Variants in MBOAT1 observed in about 807,000 individuals in gnomAD.
MBOAT1 encodes the protein membrane bound glycerophospholipid O-acyltransferase 1.
Under a neutral mutation model 64.4 loss-of-function variants are expected in MBOAT1, and 67 were observed. The observed-to-expected ratio is 1.04, with a 90% CI of 0.85 to 1.27. The LOEUF (loss-of-function observed/expected upper bound fraction) is 1.27. Among genes scored for constraint, MBOAT1 ranks in the 50% most tolerant of loss-of-function variants. The probability of loss-of-function intolerance (pLI) is 0.00; values close to 1 mark genes in which losing one functional copy is unlikely to be tolerated. For synonymous variants in MBOAT1, 229 were observed against 218.9 expected (o/e 1.05, Z -0.41); for missense variants, 563 against 604.6 (o/e 0.93, Z 0.72).
chr6:20,110,298 A>T (rs1760100954), intron 11 of MBOAT1, among the ~76,000 whole-genome samples: 1 of 149,856 alleles, frequency 6.7e-6, no homozygotes, highest in Non-Finnish European at 1.5e-5. Flanking sequence ...CTGCAGCTTC[A>T]AACTCCTGGG....
At chr6:20,172,934 G>T (rs1762242212) in intron 1 of MBOAT1, among the ~76,000 whole-genome samples, 1 of 151,832 alleles carries the variant, frequency 6.6e-6, no homozygotes, top group Non-Finnish European at 1.5e-5. Context: ...CTGGAATATG[G>T]CCGTGGATTT....
Position 20,124,576 on chromosome 6 carries a change from T to C in MBOAT1, c.739A>G (p.Ile247Val). 1 of 1,614,170 alleles carries C rather than the reference T, an allele frequency of 6.2e-7. No individual in the cohort carries two copies. The highest frequency in any genetic ancestry group is 8.5e-7 in the Non-Finnish European group (1 of 1,180,014). The change falls in exon 8 of 13, where the codon ATC (isoleucine) becomes GTC (valine). Residue 247 changes from isoleucine (I) to valine (V), a missense_variant. Ile to Val is a conservative substitution (Grantham distance 29). Transcript: ENST00000324607. Reference protein sequence around the residue: ...PTGAVIHKLGITLVSLLLFLT... With the variant: ...PTGAVIHKLGVTLVSLLLFLT... ...AACAAAAGGAGAGACACCAAGGTGA[T>C]GCCCAACTTGTGTATCACAGCTCCC...
intron 11 of MBOAT1, among the ~76,000 whole-genome samples, chr6:20,110,530 AAAT>A (rs200242152): frequency 2.2e-4 from 33 of 151,070 alleles, no homozygotes; most frequent in African/African-American, 5.6e-4. Context: ...TTTCTTATTA[AAAT>A]AATAATAATA....
intron 1 of MBOAT1, among the ~76,000 whole-genome samples, chr6:20,179,582 T>C (rs922502180): frequency 2.0e-5 from 3 of 152,240 alleles, no homozygotes; most frequent in Admixed American, 1.3e-4. Context: ...GCATTTAGGT[T>C]GATTCCATGT....
At chr6:20,187,807 C>G (rs958038899) in intron 1 of MBOAT1, among the ~76,000 whole-genome samples, 4 of 152,192 alleles carry the variant, frequency 2.6e-5, no homozygotes, top group African/African-American at 9.7e-5. Flanking sequence ...GCCTGGGCAA[C>G]AGGGTGAAAC....
intron 1 of MBOAT1, among the ~76,000 whole-genome samples, chr6:20,159,455 A>G (rs1761785312): frequency 6.6e-6 from 1 of 152,220 alleles, no homozygotes; most frequent in African/African-American, 2.4e-5. Context: ...GCCTTTAAAA[A>G]GCAGGAAGTT....
chr6:20,125,339 G>A (rs1362158589), intron 7 of MBOAT1, among the ~76,000 whole-genome samples: 1 of 152,230 alleles, frequency 6.6e-6, no homozygotes, highest in Non-Finnish European at 1.5e-5. Flanking sequence ...AAGTGAATGA[G>A]TATTTGCAAG....
At chr6:20,103,584 C>T (rs1210142086) in intron 12 of MBOAT1, among the ~76,000 whole-genome samples, 3 of 152,012 alleles carry the variant, frequency 2.0e-5, no homozygotes, top group African/African-American at 2.4e-5. Context: ...TGCGCCACCA[C>T]GCTCGGCCAA....
intron 1 of MBOAT1, among the ~76,000 whole-genome samples, chr6:20,163,421 T>C (rs1761921674): frequency 6.6e-6 from 1 of 152,220 alleles, no homozygotes; most frequent in African/African-American, 2.4e-5. Flanking sequence ...GCTGACTACC[T>C]CCCAGGAACT....
chr6:20,204,235 G>T (rs917051599), intron 1 of MBOAT1, among the ~76,000 whole-genome samples: 1 of 151,996 alleles, frequency 6.6e-6, no homozygotes, highest in Non-Finnish European at 1.5e-5. Flanking sequence ...CTCAGGAGAG[G>T]CCCAGAGATG....
At chr6:20,125,928 T>C in intron 7 of MBOAT1, 1 of 424,138 alleles carries the variant, frequency 2.4e-6, no homozygotes, top group Non-Finnish European at 4.6e-6. Flanking sequence ...ATATTTGACC[T>C]GAATAAATTG....
intron 4 of MBOAT1, among the ~76,000 whole-genome samples, chr6:20,143,807 G>C (rs1439953132): frequency 6.6e-6 from 1 of 152,188 alleles, no homozygotes; most frequent in African/African-American, 2.4e-5. Context: ...AAGAACCTCA[G>C]AACAGGGGTT....
intron 11 of MBOAT1, 47 bp downstream of exon 11, chr6:20,112,829 G>A: frequency 1.3e-6 from 2 of 1,582,860 alleles, no homozygotes; most frequent in African/African-American, 2.7e-5. Context: ...AAACATGCAG[G>A]CATCAGATTA....
chr6:20,152,345 ATAAATAAAT>A (rs1250023331), intron 2 of MBOAT1, among the ~76,000 whole-genome samples: 1 of 31,620 alleles, frequency 3.2e-5, no homozygotes, highest in East Asian at 3.7e-3. Flanking sequence ...AAAATAAAAA[ATAAATAAAT>A]AAATAAATAA....
intron 1 of MBOAT1, among the ~76,000 whole-genome samples, chr6:20,190,682 C>T (rs531931012): frequency 6.6e-6 from 1 of 151,690 alleles, no homozygotes; most frequent in Admixed American, 6.6e-5. Flanking sequence ...CTTTAAGTGC[C>T]CACTGAGAAA....
chr6:20,119,833 G>A (rs1034555866), intron 8 of MBOAT1, among the ~76,000 whole-genome samples: 16 of 152,174 alleles, frequency 1.1e-4, no homozygotes, highest in African/African-American at 3.9e-4. Context: ...GACACTAAGG[G>A]CCTTGAGGTC....
At chr6:20,109,901 A>ATTTTTTTTTTTTTTTTTTTTTTTTTTTTT (rs756853889) in intron 11 of MBOAT1, 152 bp from the exon 12 acceptor site, 3 of 296,680 alleles carry the variant, frequency 1.0e-5, no homozygotes. Flanking sequence ...TACCATCAGG[A>ATTTTTTTTTTTTTTTTTTTTTTTTTTTTT]CTTTTTTTTT....
chr6:20,210,591 C>T (rs1436514929), intron 1 of MBOAT1, among the ~76,000 whole-genome samples: 1 of 149,990 alleles, frequency 6.7e-6, no homozygotes, highest in Non-Finnish European at 1.5e-5. Flanking sequence ...CCCTCCCTCC[C>T]TCCCTCCCTC....
chr6:20,123,252 T>C (rs193247776), intron 8 of MBOAT1, among the ~76,000 whole-genome samples: 14 of 152,352 alleles, frequency 9.2e-5, no homozygotes, highest in African/African-American at 3.4e-4. Flanking sequence ...TGCTATTCCC[T>C]CATTCGTGAG....
Sources: gnomAD v4.1 joint callset for allele counts (sites outside exome capture counted in the v4.1 genomes callset) on GRCh38, gnomAD v4.1.1 for gene constraint, MANE v1.5 for transcripts, NCBI Gene and HGNC (gene_info 2026-07-23, HGNC 2026-07-21) for gene names.